Variants in TASOR2 observed in about 807,000 individuals in gnomAD.
TASOR2 encodes the protein transcription activation suppressor family member 2, also known as protein TASOR 2.
In TASOR2, 84 loss-of-function variants were observed where a neutral mutation model predicts 199.5. The observed-to-expected ratio is 0.42, with a 90% CI of 0.35 to 0.50. The LOEUF is 0.50. Ranked by LOEUF, TASOR2 falls within the 20% of genes least tolerant of loss-of-function variation. The probability of loss-of-function intolerance (pLI) is 0.02; values close to 1 mark genes in which losing one functional copy is unlikely to be tolerated. For missense variants in TASOR2, 2,796 were observed against 2,835.9 expected, an observed-to-expected ratio of 0.99 and a Z score of 0.32; for synonymous variants, 1,103 against 1,046.6, an observed-to-expected ratio of 1.05 and a Z score of -1.04.
chr10:5,761,766 G>A, intron 19 of TASOR2: 1 of 212,054 alleles, frequency 4.7e-6, no homozygotes, highest in Non-Finnish European at 9.4e-6. Context: ...GGGTGCAGTG[G>A]CTCACACCTG....
intron 11 of TASOR2, among the ~76,000 whole-genome samples, chr10:5,734,890 T>C (rs1025264475): frequency 2.0e-5 from 3 of 151,972 alleles, no homozygotes; most frequent in Non-Finnish European, 4.4e-5. Context: ...TACAGTGTCT[T>C]GCCATGTTGC....
At chr10:5,725,045 T>C (rs1165826484) in intron 8 of TASOR2, among the ~76,000 whole-genome samples, 3 of 152,144 alleles carry the variant, frequency 2.0e-5, no homozygotes, top group Non-Finnish European at 4.4e-5. Context: ...GCAGGCATTA[T>C]GAAGTACTAC....
chr10:5,726,719 A>G, intron 8 of TASOR2, 166 bp from the exon 10 acceptor site: 1 of 616,300 alleles, frequency 1.6e-6, no homozygotes, highest in South Asian at 2.0e-5. Context: ...ATTTCAGCTA[A>G]GGAACTTGAA....
intron 1 of TASOR2, chr10:5,692,858 G>C (rs1470319539): frequency 6.6e-6 from 1 of 152,340 alleles, no homozygotes; most frequent in Non-Finnish European, 1.5e-5. Context: ...GCTGGCGGGA[G>C]GGGGCCGGAG....
intron 18 of TASOR2, 110 bp downstream of exon 19, chr10:5,759,102 T>TA (rs1435597248): frequency 1.4e-6 from 1 of 727,600 alleles, no homozygotes; most frequent in African/African-American, 1.8e-5. Flanking sequence ...CCTTCATCAG[T>TA]AAAGAGCATG....
At chr10:5,684,954 C>T (rs1192924984) in exon 1 of TASOR2, 24 of 397,732 alleles carry the variant, frequency 6.0e-5, no homozygotes. Flanking sequence ...CGGGCGGCCG[C>T]GGCGTCCCTG....
In TASOR2 at chr10:5,742,574, A is replaced by G. The variant is rs1387733120; in HGVS notation, c.2757+48A>G. 6.6e-7 allele frequency: 1 copy of G among 1,525,596 alleles called. No homozygotes were observed. Among genetic ancestry groups the G allele is most frequent in the Non-Finnish European group, 8.9e-7 (1 of 1,125,168 alleles). The allele number at this position is 1,525,596 out of a possible 1,614,324, so 94.5% of individuals were successfully genotyped here. On this transcript the variant is annotated intron_variant, in intron 14 of 20. Coordinates refer to ENST00000328090, the Ensembl canonical transcript of TASOR2. This position sits in a 1 kb window ranked among gnomAD's most constrained non-coding sequence, Gnocchi z 4.2. The stretch of plus-strand genomic sequence containing the variant: ...AAATGTTGGCATTATTTTTGAAGAA[A>G]AAAATGTTTATATGTAAAATCACAT...
intron 10 of TASOR2, among the ~76,000 whole-genome samples, chr10:5,727,397 T>C (rs1834183544): frequency 6.6e-6 from 1 of 152,196 alleles, no homozygotes; most frequent in Admixed American, 6.5e-5. Flanking sequence ...AATTCATTTA[T>C]TATTAAATTT....
rs1837928862 is a variant in TASOR2 at position 5,750,793 on chromosome 10, T to G, written c.6606+766T>G. 6.6e-5 allele frequency among the ~76,000 whole-genome samples: 10 copies of G among 152,214 alleles called. No individual in the cohort carries two copies. The highest frequency in any genetic ancestry group is 6.5e-4 in the Admixed American group (10 of 15,282). Reference sequence around the variant, plus strand: ...ACCTGAGTTCAAGGATCCTCATCTTTTTAACCACAGAACAACCCTGTGCAT... The same window carrying G: ...ACCTGAGTTCAAGGATCCTCATCTTGTTAACCACAGAACAACCCTGTGCAT... On this transcript the variant is annotated intron_variant, in intron 15 of 20. Transcript: ENST00000328090. The surrounding 1 kb of genome is among the most constrained non-coding windows in gnomAD (Gnocchi z 5.4).
rs975933258 is a variant in TASOR2, at chr10:5,685,000, GA to G, written c.-462del. The G allele has an allele frequency of 4.7e-4, 187 of 397,770 alleles. No homozygotes were observed. In the Middle Eastern group the frequency reaches 5.1e-3, roughly 11 times the overall value. 24.6% of individuals were successfully genotyped at this position (397,770 alleles called of 1,614,324 possible). A position where few individuals can be genotyped will look rare whatever the true frequency, so the allele number is the denominator to read the frequency against. On this transcript the variant is annotated 5_prime_UTR_variant, in exon 1 of 21. Transcript: ENST00000328090. The stretch of plus-strand genomic sequence containing the variant: ...CGGCGAGGACCCCGGGGCTGGGGCG[GA>G]CGGCGTGCCCCTGAGGGGGGTCCCC...
intron 1 of TASOR2, among the ~76,000 whole-genome samples, chr10:5,703,503 A>ATTTTTTTTTTTTTTTT (rs371366460): frequency 9.1e-6 from 1 of 110,260 alleles, no homozygotes; most frequent in Non-Finnish European, 1.7e-5. Context: ...GGTTTTTCTG[A>ATTTTTTTTTTTTTTTT]TTTTTTTTTT....
intron 11 of TASOR2, among the ~76,000 whole-genome samples, chr10:5,734,985 C>T (rs1247832828): frequency 1.3e-5 from 2 of 152,030 alleles, no homozygotes; most frequent in Non-Finnish European, 2.9e-5. Context: ...TGAGCCACCA[C>T]TCCCAGCCCA....
At chr10:5,745,342 G>A (rs7913067) in intron 14 of TASOR2, among the ~76,000 whole-genome samples, 81,683 of 151,984 alleles carry the variant, frequency 0.54, 22,597 homozygotes, top group Middle Eastern at 0.66. Flanking sequence ...AGGGATGAGG[G>A]GCCTTTGTTG....
In TASOR2 at chr10:5,728,146, G is replaced by A. The variant is rs963215680; in HGVS notation, c.487+1023G>A. Among the ~76,000 whole-genome samples the A allele has an allele frequency of 1.3e-4, 19 of 150,956 alleles. No homozygotes were observed. The South Asian group carries it at 1.7e-3, about 13-fold the overall frequency. ...TCAGGTGGGAGGATCGCTTGAGCCCGAGACGTGGAGGTTGCAGCGAGCCAA... is the reference window on the plus strand; with the variant it reads ...TCAGGTGGGAGGATCGCTTGAGCCCAAGACGTGGAGGTTGCAGCGAGCCAA... On this transcript the variant is annotated intron_variant, in intron 10 of 20. Coordinates refer to ENST00000328090, the Ensembl canonical transcript of TASOR2.
At chr10:5,758,709 G>A (rs1839334693) in intron 17 of TASOR2, among the ~76,000 whole-genome samples, 178 bp from the exon 19 acceptor site, 2 of 152,246 alleles carry the variant, frequency 1.3e-5, no homozygotes, top group Non-Finnish European at 2.9e-5. Flanking sequence ...GGACCAGGCT[G>A]AGGGGCTTGT....
intron 14 of TASOR2, 151 bp from the exon 16 acceptor site, chr10:5,746,028 C>A: frequency 2.3e-6 from 2 of 855,802 alleles, no homozygotes; most frequent in Non-Finnish European, 3.3e-6. Context: ...TTGATTTGTA[C>A]CCTGTGATAT....
rs1423749363 is a variant in TASOR2, at chr10:5,737,823, G to A, written c.1448-1795G>A. 6.6e-6 allele frequency among the ~76,000 whole-genome samples: 1 copy of A among 152,174 alleles called. No homozygotes were observed. Among genetic ancestry groups the A allele is most frequent in the East Asian group, 1.9e-4 (1 of 5,192 alleles). On this transcript the variant is annotated intron_variant, in intron 12 of 20. Transcript: ENST00000328090. This position sits in a 1 kb window ranked among gnomAD's most constrained non-coding sequence, Gnocchi z 4.9. ...TTATTGACAAATTGATTAATGCGAG[G>A]AGGTATATAATTGCATACTGGCAGA...
At chr10:5,702,124 A>G (rs1345311805) in intron 1 of TASOR2, among the ~76,000 whole-genome samples, 1 of 152,200 alleles carries the variant, frequency 6.6e-6, no homozygotes, top group East Asian at 1.9e-4. Flanking sequence ...TACTTGAGAT[A>G]CGTTCCTTCC....
intron 8 of TASOR2, among the ~76,000 whole-genome samples, chr10:5,725,227 G>C (rs549159190): frequency 6.6e-6 from 1 of 151,868 alleles, no homozygotes; most frequent in South Asian, 2.1e-4. Flanking sequence ...GTGAAACCCT[G>C]TCTGTACTAA....
Sources: gnomAD v4.1 joint callset for allele counts (sites outside exome capture counted in the v4.1 genomes callset) on GRCh38, gnomAD v4.1.1 for gene constraint, Gnocchi (gnomAD v3.1) non-coding constraint, MANE v1.5 for transcripts, NCBI Gene and HGNC (gene_info 2026-07-23, HGNC 2026-07-21) for gene names.